Variants in RTN1 observed in about 807,000 individuals in gnomAD.
RTN1 encodes reticulon-1.
A neutral mutation model predicts 65.5 loss-of-function variants in RTN1; 25 were observed. That is an observed-to-expected ratio of 0.38 (90% CI 0.28 to 0.53). RTN1 has a LOEUF of 0.53. Ranked by LOEUF, RTN1 falls within the 20% of genes least tolerant of loss-of-function variation. The probability of loss-of-function intolerance (pLI) is 0.79; values close to 1 mark genes in which losing one functional copy is unlikely to be tolerated. For missense variants in RTN1, 983 were observed against 1,025.4 expected, an observed-to-expected ratio of 0.96 and a Z score of 0.57; for synonymous variants, 471 against 447.6, an observed-to-expected ratio of 1.05 and a Z score of -0.66.
At chr14:59,672,982 A>G (rs1883543824) in intron 3 of RTN1, among the ~76,000 whole-genome samples, 1 of 152,160 alleles carries the variant, frequency 6.6e-6, no homozygotes, top group Admixed American at 6.5e-5. Flanking sequence ...TTAACTAGGA[A>G]GCTCAAAGTG....
At position 59,766,013 on chromosome 14, in the gene RTN1, T is replaced by A. The variant is rs1384007435; in HGVS notation, c.242-19532A>T. Among the ~76,000 whole-genome samples the A allele has an allele frequency of 2.0e-5, 3 of 152,210 alleles. No individual in the cohort carries two copies. The highest frequency in any genetic ancestry group is 7.2e-5 in the African/African-American group (3 of 41,470). Reference sequence around the variant, plus strand: ...GGGAGGCCTAGGCGGGTGGATCACCTGAGGTCAGGGGTTCAAGATCAGCCT... The same window carrying A: ...GGGAGGCCTAGGCGGGTGGATCACCAGAGGTCAGGGGTTCAAGATCAGCCT... On this transcript the variant is annotated intron_variant, in intron 1 of 8. Transcript: ENST00000267484. The surrounding 1 kb of genome is among the most constrained non-coding windows in gnomAD (Gnocchi z 4.4).
intron 1 of RTN1, among the ~76,000 whole-genome samples, chr14:59,810,330 T>G (rs75475923): frequency 0.013 from 1,919 of 152,328 alleles, 22 homozygotes; most frequent in Non-Finnish European, 0.022. Flanking sequence ...ACAAACTTGC[T>G]GTGTGTGCAG....
chr14:59,596,640 T>C lies in RTN1; in HGVS notation c.*105A>G. Reference sequence around the variant, plus strand: ...AGGTTTGTCTCTAAGATTATGGTACTGGAGGGAGGGGGGAAAGACAATCAA... The same window carrying C: ...AGGTTTGTCTCTAAGATTATGGTACCGGAGGGAGGGGGGAAAGACAATCAA... On this transcript the variant is annotated 3_prime_UTR_variant, in exon 9 of 9. Coordinates refer to ENST00000267484, the MANE Select transcript of RTN1 (RefSeq NM_021136.3). 1.1e-6 allele frequency: 1 copy of C among 887,174 alleles called. No individual in the cohort carries two copies. The highest frequency in any genetic ancestry group is 1.9e-6 in the Non-Finnish European group (1 of 522,410). 55.0% of individuals were successfully genotyped at this position (887,174 alleles called of 1,614,324 possible). A position where few individuals can be genotyped will look rare whatever the true frequency, so the allele number is the denominator to read the frequency against.
intron 3 of RTN1, among the ~76,000 whole-genome samples, chr14:59,684,801 A>G (rs2140224041): frequency 6.6e-6 from 1 of 152,262 alleles, no homozygotes; most frequent in South Asian, 2.1e-4. Flanking sequence ...GGGTGGGTAT[A>G]GAAGTCTAAG....
chr14:59,617,808 C>G (rs776069897), intron 3 of RTN1, among the ~76,000 whole-genome samples: 1 of 152,162 alleles, frequency 6.6e-6, no homozygotes, highest in Non-Finnish European at 1.5e-5. Flanking sequence ...ACCTTGAAAG[C>G]CCAGCCAGGC....
intron 1 of RTN1, among the ~76,000 whole-genome samples, chr14:59,798,136 T>C (rs1307214126): frequency 1.3e-5 from 2 of 152,204 alleles, no homozygotes; most frequent in African/African-American, 4.8e-5. Flanking sequence ...AAGCAATTGA[T>C]GTGTCTGAAT....
At chr14:59,657,877 G>A (rs1181291016) in intron 3 of RTN1, among the ~76,000 whole-genome samples, 1 of 152,122 alleles carries the variant, frequency 6.6e-6, no homozygotes, top group Non-Finnish European at 1.5e-5. Flanking sequence ...GTGGCACATG[G>A]GAAACCAGCC....
At chr14:59,758,258 T>C (rs899681061) in intron 1 of RTN1, among the ~76,000 whole-genome samples, 2 of 152,122 alleles carry the variant, frequency 1.3e-5, no homozygotes, top group Non-Finnish European at 2.9e-5. Flanking sequence ...TCACCTCTTC[T>C]CACTCTGCAC....
At chr14:59,598,463 G>T (rs992108569) in intron 8 of RTN1, among the ~76,000 whole-genome samples, 25 of 152,192 alleles carry the variant, frequency 1.6e-4, no homozygotes, top group African/African-American at 5.5e-4. Flanking sequence ...TAAGTGGATA[G>T]ACCTGGTGCT....
intron 1 of RTN1, among the ~76,000 whole-genome samples, chr14:59,806,755 C>T (rs1374512539): frequency 6.6e-6 from 1 of 152,204 alleles, no homozygotes; most frequent in African/African-American, 2.4e-5. Flanking sequence ...CTAAGGATAA[C>T]AGCCTCCAGC....
In RTN1 at chr14:59,749,294, A is replaced by C. The variant is rs1594720068; in HGVS notation, c.242-2813T>G. Reference sequence around the variant, plus strand: ...TATATATATCTATATATATCTATATATATCTATATATATCTATATATATAT... The same window carrying C: ...TATATATATCTATATATATCTATATCTATCTATATATATCTATATATATAT... On this transcript the variant is annotated intron_variant, in intron 1 of 8. Transcript: ENST00000267484. 5.9e-5 allele frequency among the ~76,000 whole-genome samples: 4 copies of C among 67,862 alleles called. No homozygotes were observed. In the Admixed American group the frequency reaches 6.4e-4, roughly 11 times the overall value. 44.5% of individuals were successfully genotyped at this position (67,862 alleles called of 152,430 possible).
At position 59,817,804 on chromosome 14, in the gene RTN1, CTAGT is replaced by C. The variant is rs563110965; in HGVS notation, c.241+52582_241+52585del. On this transcript the variant is annotated intron_variant, in intron 1 of 8. Coordinates refer to ENST00000267484, the MANE Select transcript of RTN1 (RefSeq NM_021136.3). ...GCACATTGCGTTTTCTCTATTTTTG[CTAGT>C]TAAATAGATATAAACCAGTGCTTAA... is the stretch of plus-strand genomic sequence containing the variant. Among the ~76,000 whole-genome samples, 24 of 152,254 alleles carry C rather than the reference CTAGT, an allele frequency of 1.6e-4. 1 individual carries two copies. The South Asian group carries it at 4.8e-3, about 30-fold the overall frequency.
intron 3 of RTN1, among the ~76,000 whole-genome samples, chr14:59,687,210 C>G (rs1251024759): frequency 6.6e-6 from 1 of 152,194 alleles, no homozygotes; most frequent in African/African-American, 2.4e-5. Context: ...AGGGTCCTCT[C>G]TGCTCCATCC....
At chr14:59,869,740 G>A (rs1472206619) in intron 1 of RTN1, among the ~76,000 whole-genome samples, 1 of 152,166 alleles carries the variant, frequency 6.6e-6, no homozygotes, top group Non-Finnish European at 1.5e-5. Context: ...TACAGGTTTT[G>A]GGCGGGGGCA....
intron 3 of RTN1, among the ~76,000 whole-genome samples, chr14:59,647,990 C>G (rs563283259): frequency 6.6e-6 from 1 of 152,028 alleles, no homozygotes; most frequent in African/African-American, 2.4e-5. Context: ...AAAAAATAAG[C>G]AAATCCAAGA....
At chr14:59,687,900 T>C (rs140131036) in intron 3 of RTN1, among the ~76,000 whole-genome samples, 60 of 152,178 alleles carry the variant, frequency 3.9e-4, no homozygotes, top group Middle Eastern at 3.4e-3. Flanking sequence ...CTCTGTTTCA[T>C]GCCCAGGCAG....
At chr14:59,644,636 C>T (rs1295355624) in intron 3 of RTN1, among the ~76,000 whole-genome samples, 2 of 152,232 alleles carry the variant, frequency 1.3e-5, no homozygotes, top group Non-Finnish European at 2.9e-5. Context: ...TGACAGTCTG[C>T]AGACCCTGTT....
chr14:59,760,355 C>T (rs1885724531), intron 1 of RTN1, among the ~76,000 whole-genome samples: 1 of 152,092 alleles, frequency 6.6e-6, no homozygotes. Context: ...AAAGAAAACA[C>T]TGAGAGAGTA....
At chr14:59,694,722 T>C (rs1884028082) in intron 3 of RTN1, among the ~76,000 whole-genome samples, 1 of 152,218 alleles carries the variant, frequency 6.6e-6, no homozygotes, top group Admixed American at 6.5e-5. Context: ...TATGGATCAA[T>C]TTATCCTTAG....
Sources: gnomAD v4.1 joint callset for allele counts (sites outside exome capture counted in the v4.1 genomes callset) on GRCh38, gnomAD v4.1.1 for gene constraint, Gnocchi (gnomAD v3.1) non-coding constraint, MANE v1.5 for transcripts, NCBI Gene and HGNC (gene_info 2026-07-23, HGNC 2026-07-21) for gene names.